Variants in SPON1 observed in about 807,000 individuals in gnomAD.
The protein encoded by SPON1 is spondin 1, also known as spondin-1.
Under a neutral mutation model 111.7 loss-of-function variants are expected in SPON1, and 52 were observed. The observed-to-expected ratio is 0.47, with a 90% CI of 0.37 to 0.59. SPON1 has a LOEUF of 0.59. SPON1 is among the 20% of genes least tolerant of loss of function. The pLI is 0.00. For synonymous variants in SPON1, 410 were observed against 395.8 expected (o/e 1.04, Z -0.43); for missense variants, 957 against 1,068.5 (o/e 0.90, Z 1.46).
In SPON1 at chr11:14,173,273, A is replaced by G. The variant is rs138707038; in HGVS notation, c.825+37705A>G. ...TTCCATCGCTGATACCCTTTCTTCC[A>G]GTTGATTGCATTGGCTACTGAGGCT... is the stretch of plus-strand genomic sequence containing the variant. On this transcript the variant is annotated intron_variant, in intron 6 of 15. Transcript: ENST00000576479. 7.5e-3 allele frequency among the ~76,000 whole-genome samples: 1,137 copies of G among 152,202 alleles called. 22 individuals are homozygous for G. Among genetic ancestry groups the G allele is most frequent in the African/African-American group, 0.026 (1,090 of 41,524 alleles).
rs1441892820 is a variant in SPON1, at chr11:14,228,973, C to A, written c.826-14359C>A. ...GACTCTAACAACATATTTACAGGCC[C>A]CTAGAGGTCTTCAGAACCTACTCCA... On this transcript the variant is annotated intron_variant, in intron 6 of 15. Coordinates refer to ENST00000576479, the MANE Select transcript of SPON1 (RefSeq NM_006108.4). This position sits in a 1 kb window ranked among gnomAD's most constrained non-coding sequence, Gnocchi z 4.2. Among the ~76,000 whole-genome samples, 2 of 152,086 alleles carry A rather than the reference C, an allele frequency of 1.3e-5. No homozygotes were observed. Among genetic ancestry groups the A allele is most frequent in the Admixed American group, 1.3e-4 (2 of 15,286 alleles).
At chr11:14,118,472 G>T (rs1427851260) in intron 5 of SPON1, among the ~76,000 whole-genome samples, 6 of 152,194 alleles carry the variant, frequency 3.9e-5, no homozygotes, top group Non-Finnish European at 7.3e-5. Flanking sequence ...GTTTGAGGGT[G>T]CCCTGAAATT....
chr11:14,262,619 T>A, intron 14 of SPON1, 93 bp from the exon 15 acceptor site: 14 of 1,499,612 alleles, frequency 9.3e-6, no homozygotes, highest in Non-Finnish European at 1.3e-5. Flanking sequence ...CTGCTTTGCA[T>A]CCCTCATAGG....
At chr11:14,081,802 A>C (rs2133833212) in intron 5 of SPON1, among the ~76,000 whole-genome samples, 1 of 152,010 alleles carries the variant, frequency 6.6e-6, no homozygotes, top group East Asian at 1.9e-4. Flanking sequence ...CCAGATCAGA[A>C]CCTCCATGAT....
At chr11:14,091,071 G>T (rs1259347816) in intron 5 of SPON1, among the ~76,000 whole-genome samples, 2 of 151,850 alleles carry the variant, frequency 1.3e-5, no homozygotes, top group African/African-American at 2.4e-5. Context: ...GTGCTGATTG[G>T]TGTATTTACA....
intron 2 of SPON1, among the ~76,000 whole-genome samples, chr11:14,039,981 G>A (rs1848620863): frequency 6.6e-6 from 1 of 152,252 alleles, no homozygotes; most frequent in East Asian, 1.9e-4. Flanking sequence ...TACATTATAA[G>A]CATCAGATTG....
intron 3 of SPON1, among the ~76,000 whole-genome samples, chr11:14,057,583 A>G (rs1554919322): frequency 6.6e-6 from 1 of 152,176 alleles, no homozygotes; most frequent in Non-Finnish European, 1.5e-5. Context: ...ATTACACAAA[A>G]AAAGTACTTG....
chr11:14,257,347 G>A (rs1004101024), intron 10 of SPON1, among the ~76,000 whole-genome samples: 2 of 152,192 alleles, frequency 1.3e-5, no homozygotes, highest in Non-Finnish European at 2.9e-5. Context: ...CTGTGTATGG[G>A]ATCATTGGGA....
At chr11:14,160,496 TAC>T (rs1313983523) in intron 6 of SPON1, among the ~76,000 whole-genome samples, 102 of 7,920 alleles carry the variant, frequency 0.013, 5 homozygotes, top group Non-Finnish European at 0.017. Context: ...TATATATATT[TAC>T]ATATATATAT....
At chr11:14,156,537 G>A (rs1419173490) in intron 6 of SPON1, among the ~76,000 whole-genome samples, 2 of 151,054 alleles carry the variant, frequency 1.3e-5, no homozygotes, top group East Asian at 3.9e-4. Context: ...TGTTGCCATT[G>A]CTTTTGGTGT....
Position 14,260,605 on chromosome 11 carries a change from C to T in SPON1, c.1849C>T (p.Leu617=), listed in dbSNP as rs1257552480. 6.2e-7 allele frequency: 1 copy of T among 1,613,522 alleles called. No homozygotes were observed. The highest frequency in any genetic ancestry group is 8.5e-7 in the Non-Finnish European group (1 of 1,179,704). The change falls in exon 14 of 16, where the codon CTG becomes TTG. Residue 617 remains leucine, a synonymous_variant. Transcript: ENST00000576479. Reference sequence around the variant, plus strand: ...TGATCTAGACACCATCCCATGCTTGCTGTCCCCATGGTCCGAGTGGAGTGA... The same window carrying T: ...TGATCTAGACACCATCCCATGCTTGTTGTCCCCATGGTCCGAGTGGAGTGA... ...MPECHTIPCL[L]SPWSEWSDCS...
intron 6 of SPON1, among the ~76,000 whole-genome samples, chr11:14,142,687 A>G (rs11023107): frequency 0.4 from 60,435 of 152,156 alleles, 12,281 homozygotes; most frequent in East Asian, 0.55. Context: ...GAATGTAGCA[A>G]GACACAAGCC....
At chr11:14,207,331 C>G (rs1173253875) in intron 6 of SPON1, among the ~76,000 whole-genome samples, 1 of 152,046 alleles carries the variant, frequency 6.6e-6, no homozygotes, top group Non-Finnish European at 1.5e-5. Flanking sequence ...GACAAAGAAG[C>G]CAAAAGCAAT....
chr11:14,190,560 ACTTC>A (rs1848334419), intron 6 of SPON1, among the ~76,000 whole-genome samples: 1 of 96,306 alleles, frequency 1.0e-5, no homozygotes, highest in African/African-American at 4.1e-5. Flanking sequence ...TTCCTTCTTT[ACTTC>A]CTTCCTTCTT....
Position 13,982,908 on chromosome 11 carries a change from G to A in SPON1, c.300G>A (p.Glu100=). The change falls in exon 2 of 16, where the codon GAG becomes GAA. Residue 100 remains glutamate, a synonymous_variant. Transcript: ENST00000576479. Reference sequence around the variant, plus strand: ...GATTCACATTAATTGCCCTCAGAGAGAACAGAGAGGGTGATAAGGAAGAAG... The same window carrying A: ...GATTCACATTAATTGCCCTCAGAGAAAACAGAGAGGGTGATAAGGAAGAAG... ...FRGFTLIALR[E]NREGDKEEDH... is the part of the protein sequence containing the mutation. 2 of 1,559,952 alleles carry A rather than the reference G, an allele frequency of 1.3e-6. No homozygotes were observed. Among genetic ancestry groups the A allele is most frequent in the Non-Finnish European group, 1.7e-6 (2 of 1,151,030 alleles).
chr11:14,013,247 A>G (rs1554913913), intron 2 of SPON1, among the ~76,000 whole-genome samples: 1 of 152,116 alleles, frequency 6.6e-6, no homozygotes, highest in East Asian at 1.9e-4. Context: ...TCTGCTTTTT[A>G]TCCTTTAAAC....
intron 6 of SPON1, among the ~76,000 whole-genome samples, chr11:14,218,294 T>C (rs1554937298): frequency 2.0e-5 from 3 of 152,150 alleles, no homozygotes; most frequent in Admixed American, 1.3e-4. Flanking sequence ...CTAGCGGGTC[T>C]GCATCCTGTC....
At chr11:14,147,538 C>A (rs141361925) in intron 6 of SPON1, among the ~76,000 whole-genome samples, 1,566 of 152,214 alleles carry the variant, frequency 0.01, 25 homozygotes, top group African/African-American at 0.036. Flanking sequence ...CTGCTTCAGC[C>A]TCCCAAGTAG....
At chr11:14,023,355 G>A (rs1292259153) in intron 2 of SPON1, among the ~76,000 whole-genome samples, 1 of 152,032 alleles carries the variant, frequency 6.6e-6, no homozygotes, top group African/African-American at 2.4e-5. Flanking sequence ...GAGTTTGGGT[G>A]CTTTAGGGTG....
Sources: allele counts gnomAD v4.1 joint callset (sites outside exome capture counted in the v4.1 genomes callset), GRCh38; gene constraint gnomAD v4.1.1; non-coding constraint Gnocchi (gnomAD v3.1); transcripts MANE v1.5; gene names NCBI Gene and HGNC (gene_info 2026-07-23, HGNC 2026-07-21).